The following ADGRB3 variants were observed in gnomAD, a reference collection of about 807,000 sequenced individuals.
ADGRB3 encodes adhesion G protein-coupled receptor B3.
In ADGRB3, 37 loss-of-function variants were observed where a neutral mutation model predicts 193.4. The ratio of observed to expected loss-of-function variants is 0.19; its 90% confidence interval spans 0.15 to 0.25. The LOEUF (loss-of-function observed/expected upper bound fraction) is 0.25. Among genes scored for constraint, ADGRB3 ranks in the 10% least tolerant of loss-of-function variants. The probability of loss-of-function intolerance (pLI) is 1.00; values close to 1 mark genes in which losing one functional copy is unlikely to be tolerated. For missense variants in ADGRB3, 1,637 were observed against 1,852.9 expected (o/e 0.88, Z 2.14); for synonymous variants, 690 against 644.2 (o/e 1.07, Z -1.08).
chr6:68,713,789 T>A (rs1170802762), intron 3 of ADGRB3, among the ~76,000 whole-genome samples: 2 of 151,678 alleles, frequency 1.3e-5, no homozygotes, highest in East Asian at 1.9e-4. Flanking sequence ...ACAATTTTAG[T>A]TTTACATCTA....
intron 20 of ADGRB3, among the ~76,000 whole-genome samples, chr6:69,241,064 A>G (rs1766374499): frequency 6.6e-6 from 1 of 152,000 alleles, no homozygotes. Flanking sequence ...TCCACAGTAC[A>G]AAATATGCTT....
At chr6:68,879,303 G>A (rs1195832569) in intron 3 of ADGRB3, among the ~76,000 whole-genome samples, 14 of 131,530 alleles carry the variant, frequency 1.1e-4, no homozygotes, top group Non-Finnish European at 2.2e-4. Context: ...TGCAAGCTCC[G>A]CCTCCCAGGT....
In ADGRB3 at chr6:69,332,999, A is replaced by G. The variant is rs1242459370; in HGVS notation, c.3179A>G (p.His1060Arg). 2 of 1,613,888 alleles carry G rather than the reference A, an allele frequency of 1.2e-6. No individual in the cohort carries two copies. Among genetic ancestry groups the G allele is most frequent in the South Asian group, 1.1e-5 (1 of 91,036 alleles). Reference protein sequence around the residue: ...RDGILDKKLKHRAGQMSEPHS... With the variant: ...RDGILDKKLKRRAGQMSEPHS... ...GGAATCCTAGATAAAAAGCTCAAAC[A>G]CAGAGCCGGGTAAGCTGCAATTGGT... The change falls in exon 24 of 32, where the codon CAC becomes CGC. Residue 1060 changes from histidine (H) to arginine (R), a missense_variant. Coordinates refer to ENST00000370598, the MANE Select transcript of ADGRB3 (RefSeq NM_001704.3).
At chr6:69,342,577 G>C (rs546936809) in intron 26 of ADGRB3, among the ~76,000 whole-genome samples, 1 of 152,204 alleles carries the variant, frequency 6.6e-6, no homozygotes, top group South Asian at 2.1e-4. Flanking sequence ...ACTAGCAATG[G>C]GTATATCTCA....
At position 68,952,468 on chromosome 6, in the gene ADGRB3, T is replaced by C. The variant is rs1767955346; in HGVS notation, c.1196-3556T>C. 2.0e-5 allele frequency among the ~76,000 whole-genome samples: 3 copies of C among 152,134 alleles called. No homozygotes were observed. In the South Asian group the frequency reaches 6.2e-4, roughly 32 times the overall value. On this transcript the variant is annotated intron_variant, in intron 6 of 31. Coordinates refer to ENST00000370598, the MANE Select transcript of ADGRB3 (RefSeq NM_001704.3). The stretch of plus-strand genomic sequence containing the variant: ...ACTTTTCAATTATCTATTTTCTCAA[T>C]GATTTGGACTTGACACACTAAAGAA...
At chr6:69,031,564 T>TTTCTTTCTTTCTTTC (rs1398380007) in intron 13 of ADGRB3, among the ~76,000 whole-genome samples, 4 of 135,748 alleles carry the variant, frequency 2.9e-5, no homozygotes, top group African/African-American at 5.3e-5. Context: ...TCTTTCTTTC[T>TTTCTTTCTTTCTTTC]TTTCTTCCTC....
intron 3 of ADGRB3, among the ~76,000 whole-genome samples, chr6:68,722,913 A>C (rs969082310): frequency 1.3e-5 from 2 of 151,876 alleles, no homozygotes; most frequent in Middle Eastern, 3.4e-3. Context: ...AGGCAAAAAA[A>C]TGAGAGGTTC....
intron 23 of ADGRB3, chr6:69,332,215 A>G (rs1046005081): frequency 2.0e-6 from 2 of 985,292 alleles, no homozygotes; most frequent in Admixed American, 1.2e-4. Flanking sequence ...TTGAAAAAGG[A>G]AAAATATGTG....
chr6:69,206,709 CAAA>C (rs1403327034), intron 17 of ADGRB3, among the ~76,000 whole-genome samples: 2 of 152,038 alleles, frequency 1.3e-5, no homozygotes, highest in African/African-American at 4.8e-5. Context: ...AAGAAGGAAA[CAAA>C]AGAAGGAGAA....
chr6:69,314,202 A>C (rs1471352231), intron 20 of ADGRB3, among the ~76,000 whole-genome samples: 1 of 151,730 alleles, frequency 6.6e-6, no homozygotes, highest in South Asian at 2.1e-4. Context: ...AAGATCTTCA[A>C]ATTATGAACA....
At chr6:69,076,777 A>G (rs2150312886) in intron 17 of ADGRB3, among the ~76,000 whole-genome samples, 1 of 152,102 alleles carries the variant, frequency 6.6e-6, no homozygotes, top group Non-Finnish European at 1.5e-5. Flanking sequence ...ATTTTGCATG[A>G]GGGGAGATAA....
At chr6:69,142,021 T>A (rs1400983713) in intron 17 of ADGRB3, among the ~76,000 whole-genome samples, 3 of 152,162 alleles carry the variant, frequency 2.0e-5, no homozygotes, top group African/African-American at 7.2e-5. Context: ...TATTGATGAG[T>A]TTAGAATCAT....
At chr6:69,271,759 C>A (rs1582594759) in intron 20 of ADGRB3, among the ~76,000 whole-genome samples, 1 of 152,124 alleles carries the variant, frequency 6.6e-6, no homozygotes, top group African/African-American at 2.4e-5. Flanking sequence ...CACAGACACA[C>A]CCCTTTCCAA....
intron 3 of ADGRB3, among the ~76,000 whole-genome samples, chr6:68,864,245 T>C (rs1765231496): frequency 6.6e-6 from 1 of 152,254 alleles, no homozygotes. Context: ...GCTATATCTA[T>C]GCACAGTTAA....
At chr6:69,145,816 G>T in intron 17 of ADGRB3, among the ~76,000 whole-genome samples, 1 of 151,862 alleles carries the variant, frequency 6.6e-6, no homozygotes, top group Admixed American at 6.6e-5. Flanking sequence ...TTAGCTCTCA[G>T]CAGAGAGGAG....
intron 16 of ADGRB3, among the ~76,000 whole-genome samples, chr6:69,066,080 G>A (rs1771895940): frequency 1.3e-5 from 2 of 151,528 alleles, no homozygotes; most frequent in South Asian, 4.2e-4. Context: ...GTATCTGCAA[G>A]GGGTTCTGGA....
chr6:68,899,400 C>T, intron 3 of ADGRB3, among the ~76,000 whole-genome samples: 1 of 151,128 alleles, frequency 6.6e-6, no homozygotes, highest in Non-Finnish European at 1.5e-5. Context: ...ACTAACTCAT[C>T]ATCTAGCATT....
chr6:69,195,914 C>T (rs1024166437), intron 17 of ADGRB3, among the ~76,000 whole-genome samples: 2 of 152,032 alleles, frequency 1.3e-5, no homozygotes, highest in African/African-American at 4.8e-5. Flanking sequence ...GTTTAGGAAA[C>T]AACTATTGAT....
chr6:68,757,966 C>A (rs969224700), intron 3 of ADGRB3, among the ~76,000 whole-genome samples: 3 of 152,036 alleles, frequency 2.0e-5, no homozygotes, highest in Non-Finnish European at 4.4e-5. Flanking sequence ...CTTATTACAT[C>A]CTCTTGCCTT....
Sources: gnomAD v4.1 joint callset for allele counts (sites outside exome capture counted in the v4.1 genomes callset) on GRCh38, gnomAD v4.1.1 for gene constraint, MANE v1.5 for transcripts, NCBI Gene and HGNC (gene_info 2026-07-23, HGNC 2026-07-21) for gene names.